GALM: variants seen among roughly 807,000 people sequenced by gnomAD.
The protein encoded by GALM is aldose 1-epimerase.
Under a neutral mutation model 37.4 loss-of-function variants are expected in GALM, and 43 were observed. The observed-to-expected ratio is 1.15, with a 90% CI of 0.90 to 1.48. The LOEUF is 1.48. Ranked by LOEUF, GALM falls within the 40% of genes most tolerant of loss-of-function variation. The pLI is 0.00. For missense variants in GALM, 456 were observed against 419.1 expected, an observed-to-expected ratio of 1.09 and a Z score of -0.77; for synonymous variants, 199 against 170.6, an observed-to-expected ratio of 1.17 and a Z score of -1.30.
chr2:38,703,831 G>T (rs992135175), intron 4 of GALM, among the ~76,000 whole-genome samples: 49 of 152,090 alleles, frequency 3.2e-4, no homozygotes, highest in African/African-American at 1.2e-3. Context: ...TGGGCAACAT[G>T]TTGAAACCCC....
intron 1 of GALM, 99 bp downstream of exon 1, chr2:38,666,450 GA>G: frequency 2.1e-6 from 2 of 933,036 alleles, no homozygotes; most frequent in East Asian, 5.3e-5. Context: ...GACCAAGGGG[GA>G]AAGTCGCCTA....
At chr2:38,678,318 A>AT (rs200408033) in intron 2 of GALM, among the ~76,000 whole-genome samples, 361 of 151,222 alleles carry the variant, frequency 2.4e-3, no homozygotes, top group Admixed American at 6.5e-3. Context: ...CCACCAACAC[A>AT]TTTTTTTTTA....
intron 3 of GALM, among the ~76,000 whole-genome samples, chr2:38,688,412 G>A (rs547031840): frequency 3.9e-5 from 6 of 152,124 alleles, no homozygotes; most frequent in South Asian, 2.1e-4. Flanking sequence ...TAGGGAGGCC[G>A]AGGCAGGAGA....
chr2:38,724,484 C>A (rs1666445401), intron 4 of GALM, among the ~76,000 whole-genome samples: 1 of 152,160 alleles, frequency 6.6e-6, no homozygotes, highest in South Asian at 2.1e-4. Flanking sequence ...AAGGAACATT[C>A]ATTCTAGTTA....
At chr2:38,681,182 C>T (rs1665385199) in intron 2 of GALM, 98 bp from the exon 3 acceptor site, 1 of 990,504 alleles carries the variant, frequency 1.0e-6, no homozygotes, top group Non-Finnish European at 1.6e-6. Flanking sequence ...GATTGTATAA[C>T]CATTTTCCTT....
chr2:38,679,556 G>A (rs1665344909), intron 2 of GALM, among the ~76,000 whole-genome samples: 1 of 152,176 alleles, frequency 6.6e-6, no homozygotes, highest in African/African-American at 2.4e-5. Flanking sequence ...GATGATTTAT[G>A]TAAAGCACCA....
At chr2:38,687,839 A>C (rs1665574900) in intron 3 of GALM, among the ~76,000 whole-genome samples, 1 of 152,136 alleles carries the variant, frequency 6.6e-6, no homozygotes, top group Non-Finnish European at 1.5e-5. Context: ...TCTTTTCAGA[A>C]TTACTCAGTT....
chr2:38,671,457 A>T (rs1665097474), intron 1 of GALM: 1 of 152,190 alleles, frequency 6.6e-6, no homozygotes, highest in Non-Finnish European at 1.5e-5. Context: ...GACAGAAAGG[A>T]GGGGAAATTG....
intron 4 of GALM, among the ~76,000 whole-genome samples, chr2:38,726,928 C>T (rs891942048): frequency 2.1e-4 from 32 of 150,628 alleles, no homozygotes; most frequent in African/African-American, 7.1e-4. Flanking sequence ...GCAAATATTC[C>T]CTATTTAAAA....
chr2:38,675,978 G>C lies in GALM; in HGVS notation c.257G>C (p.Gly86Ala). The C allele has an allele frequency of 6.2e-7, 1 of 1,614,086 alleles. No homozygotes were observed. The highest frequency in any genetic ancestry group is 8.5e-7 in the Non-Finnish European group (1 of 1,180,004). The change falls in exon 2 of 7, where the codon GGA (glycine) becomes GCA (alanine). Residue 86 changes from glycine (G) to alanine (A), a missense_variant. Transcript: ENST00000272252. ...IGRVANRIAK[G>A]TFKVDGKEYH... The stretch of plus-strand genomic sequence containing the variant: ...AGGGTGGCCAACCGAATCGCCAAAG[G>C]AACCTTCAAGGTGGATGGGAAGGAG...
intron 4 of GALM, among the ~76,000 whole-genome samples, chr2:38,719,370 T>A (rs1362277376): frequency 1.3e-5 from 2 of 150,636 alleles, no homozygotes; most frequent in African/African-American, 4.9e-5. Context: ...CTCGGGAGGC[T>A]GAGGCAAATA....
At chr2:38,693,483 CAAAAA>C (rs11339764) in intron 4 of GALM, among the ~76,000 whole-genome samples, 1 of 101,266 alleles carries the variant, frequency 9.9e-6, no homozygotes. Flanking sequence ...ACTCTGCTTC[CAAAAA>C]AAAAAAAAAA....
intron 4 of GALM, among the ~76,000 whole-genome samples, chr2:38,723,396 C>G (rs1240913406): frequency 6.6e-6 from 1 of 152,216 alleles, no homozygotes; most frequent in Non-Finnish European, 1.5e-5. Context: ...CTAGTTTCAC[C>G]TGCTGCTGTC....
At chr2:38,710,894 C>T (rs1209611838) in intron 4 of GALM, among the ~76,000 whole-genome samples, 3 of 151,422 alleles carry the variant, frequency 2.0e-5, no homozygotes, top group East Asian at 2.0e-4. Flanking sequence ...GCTGGGATTA[C>T]AGGTGCCTGC....
intron 4 of GALM, among the ~76,000 whole-genome samples, chr2:38,701,293 G>A (rs1352809878): frequency 1.3e-5 from 2 of 152,044 alleles, no homozygotes; most frequent in Non-Finnish European, 2.9e-5. Context: ...ATACAATACA[G>A]TGCACTACTA....
At chr2:38,730,101 G>A (rs1017213565) in intron 5 of GALM, among the ~76,000 whole-genome samples, 1 of 152,122 alleles carries the variant, frequency 6.6e-6, no homozygotes, top group Non-Finnish European at 1.5e-5. Flanking sequence ...AGCACTCACC[G>A]CCTCCAGCCT....
At chr2:38,711,791 TCAC>T (rs1222625943) in intron 4 of GALM, among the ~76,000 whole-genome samples, 364 of 128,852 alleles carry the variant, frequency 2.8e-3, no homozygotes, top group South Asian at 4.5e-3. Context: ...GTCACCACCA[TCAC>T]CATCACCATC....
intron 4 of GALM, among the ~76,000 whole-genome samples, chr2:38,725,901 G>A (rs578011866): frequency 5.3e-5 from 8 of 151,938 alleles, no homozygotes; most frequent in South Asian, 2.1e-4. Context: ...TAGTAGAGAC[G>A]GGGTTTCGCC....
At chr2:38,691,186 T>C (rs1178955758) in intron 4 of GALM, among the ~76,000 whole-genome samples, 2 of 152,246 alleles carry the variant, frequency 1.3e-5, no homozygotes, top group Non-Finnish European at 2.9e-5. Context: ...AAGTGGAGGT[T>C]ATGAAATAAG....
Sources: allele counts gnomAD v4.1 joint callset (sites outside exome capture counted in the v4.1 genomes callset), GRCh38; gene constraint gnomAD v4.1.1; transcripts MANE v1.5; gene names NCBI Gene and HGNC (gene_info 2026-07-23, HGNC 2026-07-21).